ERBIN: variants seen among roughly 807,000 people sequenced by gnomAD.
ERBIN encodes the protein densin-180-like protein.
A neutral mutation model predicts 158.4 loss-of-function variants in ERBIN; 60 were observed. The observed-to-expected ratio is 0.38, with a 90% CI of 0.31 to 0.47. The LOEUF (loss-of-function observed/expected upper bound fraction) is 0.47. ERBIN is among the 20% of genes least tolerant of loss of function. The pLI, the probability that ERBIN is intolerant of heterozygous loss-of-function variation, is 0.99. For synonymous variants in ERBIN, 594 were observed against 557.2 expected, an observed-to-expected ratio of 1.07 and a Z score of -0.93; for missense variants, 1,610 against 1,648.0, an observed-to-expected ratio of 0.98 and a Z score of 0.40.
intron 4 of ERBIN, among the ~76,000 whole-genome samples, chr5:66,001,528 T>C (rs1344586907): frequency 1.3e-5 from 2 of 152,220 alleles, no homozygotes; most frequent in East Asian, 3.8e-4. Flanking sequence ...AAATGGCCTC[T>C]ATTCTTTGCT....
At chr5:66,059,987 G>A (rs552288213) in intron 21 of ERBIN, among the ~76,000 whole-genome samples, 12 of 152,292 alleles carry the variant, frequency 7.9e-5, no homozygotes, top group South Asian at 4.1e-4. Context: ...AAGGATATTG[G>A]TCTAAAATTC....
chr5:65,997,369 T>G (rs1217351491), intron 4 of ERBIN, among the ~76,000 whole-genome samples: 6 of 152,210 alleles, frequency 3.9e-5, no homozygotes, highest in Non-Finnish European at 8.8e-5. Context: ...ATTTTTTTCC[T>G]TTGTTTTGTT....
intron 1 of ERBIN, among the ~76,000 whole-genome samples, chr5:65,938,686 G>T (rs1744393197): frequency 6.6e-6 from 1 of 152,066 alleles, no homozygotes; most frequent in Non-Finnish European, 1.5e-5. Flanking sequence ...CCAAGTAGCT[G>T]GGACTACAGG....
intron 20 of ERBIN, among the ~76,000 whole-genome samples, chr5:66,052,455 A>G (rs2151233651): frequency 6.6e-6 from 1 of 152,268 alleles, no homozygotes; most frequent in East Asian, 1.9e-4. Context: ...TAAAATACTA[A>G]TTTTTATAAC....
intron 1 of ERBIN, among the ~76,000 whole-genome samples, chr5:65,928,629 G>C (rs997015508): frequency 3.9e-5 from 6 of 152,044 alleles, no homozygotes; most frequent in African/African-American, 1.4e-4. Context: ...TTTTTCTCAG[G>C]AGAAGAGTAG....
chr5:65,954,151 T>C (rs1279100002), intron 1 of ERBIN, among the ~76,000 whole-genome samples: 1 of 152,136 alleles, frequency 6.6e-6, no homozygotes, highest in African/African-American at 2.4e-5. Flanking sequence ...TGAGACGATA[T>C]ATTAAAAGCG....
chr5:66,031,664 C>T (rs1303114018), intron 14 of ERBIN, among the ~76,000 whole-genome samples: 1 of 152,132 alleles, frequency 6.6e-6, no homozygotes, highest in Admixed American at 6.6e-5. Flanking sequence ...GATTCCGTCT[C>T]TGCAAATAAA....
At position 66,073,062 on chromosome 5, in the gene ERBIN, T is replaced by C. The variant is rs75687333; in HGVS notation, c.3756+771T>C. On this transcript the variant is annotated intron_variant, in intron 22 of 25. Transcript: ENST00000284037. Reference sequence around the variant, plus strand: ...TGTCATCCAGTTTTTTCTCATTACATATATTTTGTGGCTTAGGGTTACTGA... The same window carrying C: ...TGTCATCCAGTTTTTTCTCATTACACATATTTTGTGGCTTAGGGTTACTGA... 4.8e-3 allele frequency among the ~76,000 whole-genome samples: 731 copies of C among 152,320 alleles called. 9 individuals are homozygous for C. The highest frequency in any genetic ancestry group is 0.017 in the African/African-American group (692 of 41,586).
In ERBIN at chr5:66,014,738, G is replaced by T. The variant is rs1319091775; in HGVS notation, c.533+13G>T. 7.6e-7 allele frequency: 1 copy of T among 1,321,694 alleles called. No individual in the cohort carries two copies. The highest frequency in any genetic ancestry group is 2.1e-4 in the Middle Eastern group (1 of 4,860). The allele number at this position is 1,321,694 out of a possible 1,614,324, so 81.9% of individuals were successfully genotyped here. A position where few individuals can be genotyped will look rare whatever the true frequency, so the allele number is the denominator to read the frequency against. On this transcript the variant is annotated intron_variant, in intron 7 of 25. Coordinates refer to ENST00000284037, the MANE Select transcript of ERBIN (RefSeq NM_001253697.2). The stretch of plus-strand genomic sequence containing the variant: ...AAATGTTGCCTAAGTAAGTAAAGGT[G>T]CTATTCTTTAAAAAACTTAATTTAT...
At position 66,014,738 on chromosome 5, in the gene ERBIN, G is replaced by A; in HGVS notation, c.533+13G>A. The A allele has an allele frequency of 7.6e-7, 1 of 1,321,694 alleles. No individual in the cohort carries two copies. Among genetic ancestry groups the A allele is most frequent in the Non-Finnish European group, 1.0e-6 (1 of 974,110 alleles). The allele number at this position is 1,321,694 out of a possible 1,614,324, so 81.9% of individuals were successfully genotyped here. On this transcript the variant is annotated intron_variant, in intron 7 of 25. Coordinates refer to ENST00000284037, the MANE Select transcript of ERBIN (RefSeq NM_001253697.2). ...AAATGTTGCCTAAGTAAGTAAAGGTGCTATTCTTTAAAAAACTTAATTTAT... is the reference window on the plus strand; with the variant it reads ...AAATGTTGCCTAAGTAAGTAAAGGTACTATTCTTTAAAAAACTTAATTTAT...
rs151227918 is a variant in ERBIN, at chr5:66,048,765, T to G, written c.1887T>G (p.Leu629=). 9.4e-6 allele frequency: 15 copies of G among 1,591,964 alleles called. No individual in the cohort carries two copies. In the African/African-American group the frequency reaches 1.9e-4, roughly 20 times the overall value. ...TSINQPKVVA[L]SNNKKDDTKE... ...TTAACCAGCCAAAAGTCGTAGCACT[T>G]AGTAATAACAAAAAAGGTTAGATGT... Residue 629 remains leucine (L), a synonymous_variant, in exon 19 of 26, where the codon CTT becomes CTG. Coordinates refer to ENST00000284037, the MANE Select transcript of ERBIN (RefSeq NM_001253697.2).
intron 4 of ERBIN, among the ~76,000 whole-genome samples, chr5:65,999,095 G>T (rs1202011095): frequency 6.6e-6 from 1 of 151,830 alleles, no homozygotes; most frequent in Non-Finnish European, 1.5e-5. Flanking sequence ...TTGGCTGTGC[G>T]TGGTGGCTCA....
rs1211708404 is a variant in ERBIN, at chr5:66,054,045, T to C, written c.2727T>C (p.Asn909=). ...VKITSAVDGK[N]IVRSKSATLL... ...TCACATCTGCTGTTGATGGAAAAAA[T>C]ATAGTCAGGAGCAAGTCTGCCACAC... The change falls in exon 21 of 26, where the codon AAT becomes AAC. Residue 909 remains asparagine (N), a synonymous_variant. Transcript: ENST00000284037. 2 of 1,614,036 alleles carry C rather than the reference T, an allele frequency of 1.2e-6. No individual in the cohort carries two copies. The highest frequency in any genetic ancestry group is 2.2e-5 in the East Asian group (1 of 44,880).
At chr5:65,983,623 T>C (rs1162585439) in intron 1 of ERBIN, among the ~76,000 whole-genome samples, 7 of 146,246 alleles carry the variant, frequency 4.8e-5, no homozygotes, top group African/African-American at 1.7e-4. Context: ...TACCATCTAA[T>C]AGGTGTGGGC....
chr5:65,968,351 A>T (rs1030394304), intron 1 of ERBIN, among the ~76,000 whole-genome samples: 7 of 152,160 alleles, frequency 4.6e-5, no homozygotes, highest in Non-Finnish European at 8.8e-5. Context: ...AATAAGATAT[A>T]TTTGGCTTGT....
At chr5:65,985,616 C>A (rs1751137774) in intron 1 of ERBIN, among the ~76,000 whole-genome samples, 1 of 152,208 alleles carries the variant, frequency 6.6e-6, no homozygotes, top group African/African-American at 2.4e-5. Flanking sequence ...CCAAATCCTA[C>A]TTACGAAAAT....
At chr5:66,068,591 T>G (rs1761236142) in intron 21 of ERBIN, among the ~76,000 whole-genome samples, 1 of 152,184 alleles carries the variant, frequency 6.6e-6, no homozygotes, top group African/African-American at 2.4e-5. Context: ...ATCTAAGATG[T>G]GTTAGGAGTA....
chr5:66,075,714 T>G (rs1027364395), intron 23 of ERBIN, among the ~76,000 whole-genome samples: 1 of 152,210 alleles, frequency 6.6e-6, no homozygotes, highest in Non-Finnish European at 1.5e-5. Flanking sequence ...GATCAAATGC[T>G]TTATTCATTT....
intron 6 of ERBIN, among the ~76,000 whole-genome samples, chr5:66,014,280 A>C (rs577585579): frequency 6.6e-5 from 10 of 152,260 alleles, no homozygotes; most frequent in African/African-American, 2.4e-4. Context: ...GAAGTGCCAG[A>C]GGATTTCTCC....
Sources: allele counts gnomAD v4.1 joint callset (sites outside exome capture counted in the v4.1 genomes callset), GRCh38; gene constraint gnomAD v4.1.1; transcripts MANE v1.5; gene names NCBI Gene and HGNC (gene_info 2026-07-23, HGNC 2026-07-21).